The following DAPK1 variants were observed in gnomAD, a reference collection of about 807,000 sequenced individuals.
DAPK1 encodes death-associated protein kinase 1.
DAPK1 carries 56 observed loss-of-function variants against 144.9 expected under a neutral mutation model. The ratio of observed to expected loss-of-function variants is 0.39; its 90% confidence interval spans 0.31 to 0.48. DAPK1 has a LOEUF of 0.48. Ranked by LOEUF, DAPK1 falls within the 20% of genes least tolerant of loss-of-function variation. The pLI, the probability that DAPK1 is intolerant of heterozygous loss-of-function variation, is 0.95. For missense variants in DAPK1, 1,454 were observed against 1,875.4 expected (o/e 0.78, Z 4.15); for synonymous variants, 690 against 749.0 (o/e 0.92, Z 1.29).
At chr9:87,697,346 C>A in intron 22 of DAPK1, 142 bp downstream of exon 22, 1 of 624,796 alleles carries the variant, frequency 1.6e-6, no homozygotes, top group Non-Finnish European at 2.9e-6. Flanking sequence ...CCGTTTGTGG[C>A]TAACAGCTGA....
intron 2 of DAPK1, among the ~76,000 whole-genome samples, chr9:87,503,006 C>T (rs1369307451): frequency 1.3e-5 from 2 of 152,060 alleles, no homozygotes; most frequent in Admixed American, 1.3e-4. Context: ...AAGATGCAAA[C>T]GATGATGCTG....
intron 16 of DAPK1, among the ~76,000 whole-genome samples, chr9:87,650,929 T>A (rs114219744): frequency 6.6e-6 from 1 of 152,256 alleles, no homozygotes; most frequent in African/African-American, 2.4e-5. Flanking sequence ...CCTAGCACAG[T>A]AGGTTTTAGA....
intron 2 of DAPK1, among the ~76,000 whole-genome samples, chr9:87,537,625 G>A (rs1825905388): frequency 6.6e-6 from 1 of 151,630 alleles, no homozygotes; most frequent in Non-Finnish European, 1.5e-5. Flanking sequence ...GTAGATATAT[G>A]TATGTGGCAT....
intron 3 of DAPK1, among the ~76,000 whole-genome samples, chr9:87,609,464 C>T (rs1055313502): frequency 3.3e-5 from 5 of 152,144 alleles, no homozygotes; most frequent in African/African-American, 7.2e-5. Context: ...TATGTATTTA[C>T]GTTACCTTGA....
chr9:87,585,190 T>C (rs1433853205), intron 2 of DAPK1, among the ~76,000 whole-genome samples: 2 of 152,254 alleles, frequency 1.3e-5, no homozygotes, highest in African/African-American at 2.4e-5. Context: ...TTTCGTTTGA[T>C]GTAATTCCAT....
In DAPK1 at chr9:87,526,477, A is replaced by C. The variant is rs574384234; in HGVS notation, c.62+27338A>C. Among the ~76,000 whole-genome samples the C allele has an allele frequency of 1.1e-3, 162 of 152,328 alleles. 2 individuals carry two copies. Among genetic ancestry groups the C allele is most frequent in the Middle Eastern group, 3.4e-3 (1 of 294 alleles). Reference sequence around the variant, plus strand: ...ATTCATCCACATTGCTGTCTACGTTAATAGTTCATCTCTTTTTTATTGCTG... The same window carrying C: ...ATTCATCCACATTGCTGTCTACGTTCATAGTTCATCTCTTTTTTATTGCTG... On this transcript the variant is annotated intron_variant, in intron 2 of 25. Coordinates refer to ENST00000408954, the MANE Select transcript of DAPK1 (RefSeq NM_004938.4).
At chr9:87,643,290 A>G (rs1262126737) in intron 10 of DAPK1, 86 bp from the exon 11 acceptor site, 6 of 745,658 alleles carry the variant, frequency 8.0e-6, no homozygotes, top group African/African-American at 7.2e-5. Context: ...TCATTTGACA[A>G]TTGTTACATA....
At chr9:87,516,760 G>A (rs556763848) in intron 2 of DAPK1, among the ~76,000 whole-genome samples, 2 of 152,242 alleles carry the variant, frequency 1.3e-5, no homozygotes, top group Admixed American at 1.3e-4. Context: ...GGCACCCTGC[G>A]ATTGGGGCAT....
chr9:87,675,896 C>CACACACACACACACACACACACACACACA (rs1554702840), intron 19 of DAPK1, among the ~76,000 whole-genome samples: 4 of 141,586 alleles, frequency 2.8e-5, no homozygotes, highest in African/African-American at 1.0e-4. Flanking sequence ...CACACACACA[C>CACACACACACACACACACACACACACACA]CCTTATGACC....
intron 2 of DAPK1, among the ~76,000 whole-genome samples, chr9:87,575,601 T>A (rs895343150): frequency 6.6e-6 from 1 of 151,918 alleles, no homozygotes; most frequent in East Asian, 1.9e-4. Context: ...ATTTGAGGAG[T>A]GGCATCAATA....
intron 2 of DAPK1, among the ~76,000 whole-genome samples, chr9:87,595,592 C>T (rs1026524997): frequency 6.6e-6 from 1 of 152,242 alleles, no homozygotes; most frequent in Non-Finnish European, 1.5e-5. Flanking sequence ...CTTGTCCCCA[C>T]GTGCAATACC....
chr9:87,631,548 TA>T (rs1426806583), intron 3 of DAPK1, among the ~76,000 whole-genome samples: 4 of 152,210 alleles, frequency 2.6e-5, no homozygotes, highest in Non-Finnish European at 5.9e-5. Context: ...AGCCATAATT[TA>T]AAACACTGAC....
intron 2 of DAPK1, among the ~76,000 whole-genome samples, chr9:87,509,606 C>T (rs1342917666): frequency 2.0e-5 from 3 of 152,182 alleles, no homozygotes; most frequent in South Asian, 2.1e-4. Flanking sequence ...GTGATCCGCC[C>T]GCCTCGGCCC....
chr9:87,607,374 T>A (rs571017040), intron 3 of DAPK1, among the ~76,000 whole-genome samples: 2 of 152,304 alleles, frequency 1.3e-5, no homozygotes, highest in Non-Finnish European at 2.9e-5. Context: ...CCTTTTCAGA[T>A]AATTCCCAGG....
chr9:87,525,336 G>T (rs1267207880), intron 2 of DAPK1: 2 of 1,610,848 alleles, frequency 1.2e-6, no homozygotes, highest in Non-Finnish European at 1.7e-6. Flanking sequence ...AGCCACCCGC[G>T]AAAATTCGGC....
In DAPK1 at chr9:87,498,828, A is replaced by C. The variant is rs2117960832; in HGVS notation, c.-108-142A>C. The C allele has an allele frequency of 2.1e-5, 10 of 480,310 alleles. No individual in the cohort carries two copies. In the East Asian group the frequency reaches 2.9e-4, roughly 14 times the overall value. The allele number at this position is 480,310 out of a possible 1,614,324, so 29.8% of individuals were successfully genotyped here. On this transcript the variant is annotated intron_variant, in intron 1 of 25. Transcript: ENST00000408954. ...GTCCCTGGCCGCCCAGCTTTAACAA[A>C]GGGTGCTCCTCTCCACCCCGCGAGG...
intron 19 of DAPK1, chr9:87,668,985 T>A (rs944329021): frequency 1.6e-5 from 4 of 252,526 alleles, no homozygotes; most frequent in African/African-American, 6.7e-5. Context: ...TGACTCTGCC[T>A]CTTTCCTTCT....
At chr9:87,550,527 T>C (rs527831895) in intron 2 of DAPK1, among the ~76,000 whole-genome samples, 13 of 152,368 alleles carry the variant, frequency 8.5e-5, no homozygotes, top group African/African-American at 2.9e-4. Flanking sequence ...TGCTTTTCTA[T>C]GTCCAAATTT....
chr9:87,525,399 G>C, intron 2 of DAPK1: 2 of 1,611,372 alleles, frequency 1.2e-6, no homozygotes, highest in Non-Finnish European at 8.5e-7. Flanking sequence ...GGTCTGATCC[G>C]GAAATATGGC....
Sources: gnomAD v4.1 joint callset for allele counts (sites outside exome capture counted in the v4.1 genomes callset) on GRCh38, gnomAD v4.1.1 for gene constraint, MANE v1.5 for transcripts, NCBI Gene and HGNC (gene_info 2026-07-23, HGNC 2026-07-21) for gene names.